Variants in NEGR1 observed in about 807,000 individuals in gnomAD.
NEGR1 encodes the protein neuronal growth regulator 1.
NEGR1 carries 10 observed loss-of-function variants against 40.9 expected under a neutral mutation model. The ratio of observed to expected loss-of-function variants is 0.24; its 90% confidence interval spans 0.15 to 0.42. The LOEUF (loss-of-function observed/expected upper bound fraction) is 0.42, where lower values mean the gene tolerates loss of function less well. Among genes scored for constraint, NEGR1 ranks in the 10% least tolerant of loss-of-function variants. NEGR1 has a pLI of 1.00. For synonymous variants in NEGR1, 185 were observed against 166.8 expected, an observed-to-expected ratio of 1.11 and a Z score of -0.84; for missense variants, 352 against 438.9, an observed-to-expected ratio of 0.80 and a Z score of 1.77.
At chr1:71,879,633 C>T (rs1660527762) in intron 2 of NEGR1, among the ~76,000 whole-genome samples, 1 of 152,090 alleles carries the variant, frequency 6.6e-6, no homozygotes, top group African/African-American at 2.4e-5. Context: ...CTAGTTCACC[C>T]ATACATTACA....
At chr1:71,506,415 G>A (rs1450994298) in intron 6 of NEGR1, among the ~76,000 whole-genome samples, 2 of 152,098 alleles carry the variant, frequency 1.3e-5, no homozygotes, top group Non-Finnish European at 2.9e-5. Context: ...GGAGGTGGCC[G>A]AAATGTGTGC....
intron 6 of NEGR1, among the ~76,000 whole-genome samples, chr1:71,412,961 T>C (rs1447655136): frequency 6.6e-6 from 1 of 152,184 alleles, no homozygotes; most frequent in African/African-American, 2.4e-5. Context: ...CAGAACAGGC[T>C]GTCATTCTTT....
At chr1:72,256,200 T>G (rs1292365257) in intron 1 of NEGR1, among the ~76,000 whole-genome samples, 2 of 152,234 alleles carry the variant, frequency 1.3e-5, no homozygotes, top group Non-Finnish European at 2.9e-5. Flanking sequence ...ACATACTGAA[T>G]AGATTTTCAC....
chr1:71,465,442 C>T (rs1646739130), intron 6 of NEGR1, among the ~76,000 whole-genome samples: 1 of 152,046 alleles, frequency 6.6e-6, no homozygotes, highest in Non-Finnish European at 1.5e-5. Context: ...TAGTTATAAT[C>T]GGATACTGTA....
intron 2 of NEGR1, among the ~76,000 whole-genome samples, chr1:71,804,034 A>C (rs972542302): frequency 4.6e-5 from 7 of 152,064 alleles, no homozygotes; most frequent in Non-Finnish European, 1.0e-4. Context: ...TTCATTAAAT[A>C]TTTTTATTAA....
intron 1 of NEGR1, among the ~76,000 whole-genome samples, chr1:72,013,766 T>A (rs995584455): frequency 7.9e-5 from 12 of 151,858 alleles, no homozygotes; most frequent in African/African-American, 2.9e-4. Flanking sequence ...CTGACTGTCA[T>A]GTTCGTGAAC....
chr1:71,908,680 T>C (rs887603124), intron 2 of NEGR1, among the ~76,000 whole-genome samples: 1 of 152,194 alleles, frequency 6.6e-6, no homozygotes, highest in South Asian at 2.1e-4. Context: ...GATCTTGTCC[T>C]TACCTGTAAA....
intron 4 of NEGR1, among the ~76,000 whole-genome samples, chr1:71,615,166 C>T (rs2101547130): frequency 6.6e-6 from 1 of 152,206 alleles, no homozygotes; most frequent in Admixed American, 6.5e-5. Context: ...GTTCTTATTA[C>T]ATACTCATAT....
At chr1:72,218,101 A>T (rs935422392) in intron 1 of NEGR1, among the ~76,000 whole-genome samples, 2 of 151,432 alleles carry the variant, frequency 1.3e-5, no homozygotes, top group East Asian at 1.9e-4. Flanking sequence ...TTCCTTTAAA[A>T]TTTTTCTTTA....
rs1858552 is a variant in NEGR1 at position 71,850,317 on chromosome 1, G to A, written c.410-74020C>T. On this transcript the variant is annotated intron_variant, in intron 2 of 6. Coordinates refer to ENST00000357731, the MANE Select transcript of NEGR1 (RefSeq NM_173808.3). Reference sequence around the variant, plus strand: ...ACTGTAGGCATGAGCCATCATGCCCGGCAAATATTTATATTTTTGTTAGAG... The same window carrying A: ...ACTGTAGGCATGAGCCATCATGCCCAGCAAATATTTATATTTTTGTTAGAG... Among the ~76,000 whole-genome samples the A allele has an allele frequency of 3.1e-3, 471 of 151,838 alleles. 2 individuals carry two copies. The highest frequency in any genetic ancestry group is 0.011 in the African/African-American group (451 of 41,382).
chr1:71,934,739 T>A (rs950663315), intron 2 of NEGR1, among the ~76,000 whole-genome samples: 1 of 152,156 alleles, frequency 6.6e-6, no homozygotes, highest in Non-Finnish European at 1.5e-5. Flanking sequence ...TATTTCTTTA[T>A]CTTTGTAAGT....
At chr1:71,725,893 G>T (rs748533568) in intron 3 of NEGR1, among the ~76,000 whole-genome samples, 2 of 152,020 alleles carry the variant, frequency 1.3e-5, no homozygotes, top group Non-Finnish European at 2.9e-5. Context: ...GACTTTATCT[G>T]CTCAGCATCT....
chr1:72,260,017 A>C (rs1655403843), intron 1 of NEGR1, among the ~76,000 whole-genome samples: 1 of 152,116 alleles, frequency 6.6e-6, no homozygotes, highest in Non-Finnish European at 1.5e-5. Flanking sequence ...AACAGTAACA[A>C]AAACTTAATC....
intron 1 of NEGR1, among the ~76,000 whole-genome samples, chr1:72,210,129 G>T (rs994854485): frequency 1.3e-5 from 2 of 151,782 alleles, no homozygotes; most frequent in Non-Finnish European, 2.9e-5. Context: ...GTGACATCTA[G>T]GGGTCTCTGA....
rs116557210 is a variant in NEGR1 at position 71,832,004 on chromosome 1, A to G, written c.410-55707T>C. 4.5e-3 allele frequency among the ~76,000 whole-genome samples: 684 copies of G among 151,946 alleles called. 2 individuals are homozygous for G. The highest frequency in any genetic ancestry group is 8.0e-3 in the Non-Finnish European group (543 of 67,898). Reference sequence around the variant, plus strand: ...ACAGAATGAAAGTAGGACTTTAGGAACACTGGACTGATGTAAGTACGCAAG... The same window carrying G: ...ACAGAATGAAAGTAGGACTTTAGGAGCACTGGACTGATGTAAGTACGCAAG... On this transcript the variant is annotated intron_variant, in intron 2 of 6. Coordinates refer to ENST00000357731, the MANE Select transcript of NEGR1 (RefSeq NM_173808.3).
chr1:71,556,829 T>C (rs1287874282), intron 6 of NEGR1, among the ~76,000 whole-genome samples: 1 of 151,630 alleles, frequency 6.6e-6, no homozygotes, highest in African/African-American at 2.4e-5. Context: ...AACCTATTTC[T>C]CATGTCTTTT....
intron 2 of NEGR1, among the ~76,000 whole-genome samples, chr1:71,797,760 G>A (rs1257654687): frequency 6.6e-6 from 1 of 151,908 alleles, no homozygotes; most frequent in Non-Finnish European, 1.5e-5. Flanking sequence ...AATTTATTTA[G>A]TTGTCTTTGT....
chr1:71,858,467 A>G (rs1028380318), intron 2 of NEGR1, among the ~76,000 whole-genome samples: 1 of 152,086 alleles, frequency 6.6e-6, no homozygotes, highest in African/African-American at 2.4e-5. Flanking sequence ...TAATTATTAC[A>G]GTGGAACCTT....
At chr1:71,754,949 C>T (rs1163996264) in intron 3 of NEGR1, among the ~76,000 whole-genome samples, 1 of 152,132 alleles carries the variant, frequency 6.6e-6, no homozygotes, top group African/African-American at 2.4e-5. Flanking sequence ...GTCTACTCTG[C>T]CTGCTTGGGA....
Sources: allele counts gnomAD v4.1 joint callset (sites outside exome capture counted in the v4.1 genomes callset), GRCh38; gene constraint gnomAD v4.1.1; transcripts MANE v1.5; gene names NCBI Gene and HGNC (gene_info 2026-07-23, HGNC 2026-07-21).